SPAG16: variants seen among roughly 807,000 people sequenced by gnomAD.
SPAG16 encodes sperm-associated antigen 16 protein.
In SPAG16, 86 loss-of-function variants were observed where a neutral mutation model predicts 80.4. That is an observed-to-expected ratio of 1.07 (90% CI 0.90 to 1.28). SPAG16 has a LOEUF of 1.28. SPAG16 is among the 50% of genes most tolerant of loss of function. SPAG16 has a pLI of 0.00. For synonymous variants in SPAG16, 294 were observed against 265.9 expected (o/e 1.11, Z -1.03); for missense variants, 870 against 765.3 (o/e 1.14, Z -1.61).
chr2:213,871,318 C>A (rs1027320122), intron 11 of SPAG16, among the ~76,000 whole-genome samples: 2 of 151,888 alleles, frequency 1.3e-5, no homozygotes, highest in African/African-American at 4.8e-5. Context: ...ATGTTAAAAT[C>A]CACTTTTTTG....
chr2:213,284,897 G>C (rs2061998827), intron 1 of SPAG16: 1 of 422,552 alleles, frequency 2.4e-6, no homozygotes, highest in East Asian at 3.5e-5. Context: ...ATTTTGGATG[G>C]AGGGTTGCTT....
chr2:213,687,736 C>T (rs1486956044), intron 10 of SPAG16, among the ~76,000 whole-genome samples: 1 of 152,022 alleles, frequency 6.6e-6, no homozygotes, highest in East Asian at 1.9e-4. Context: ...ACATAGTTTT[C>T]TTCATGTTTC....
At chr2:214,404,813 G>A (rs1237303100) in intron 15 of SPAG16, among the ~76,000 whole-genome samples, 1 of 152,102 alleles carries the variant, frequency 6.6e-6, no homozygotes, top group African/African-American at 2.4e-5. Context: ...GTAGAACCAG[G>A]GAGATAATTT....
At chr2:213,974,324 A>C (rs1177314373) in intron 12 of SPAG16, among the ~76,000 whole-genome samples, 1 of 152,116 alleles carries the variant, frequency 6.6e-6, no homozygotes, top group African/African-American at 2.4e-5. Context: ...TTACATACAT[A>C]AAATTATATA....
intron 12 of SPAG16, among the ~76,000 whole-genome samples, chr2:213,977,075 C>T (rs2045449344): frequency 6.6e-6 from 1 of 152,014 alleles, no homozygotes; most frequent in South Asian, 2.1e-4. Flanking sequence ...GATATGCCCT[C>T]TCTTTTGCTA....
At chr2:213,369,097 T>C (rs2066490824) in intron 8 of SPAG16, among the ~76,000 whole-genome samples, 1 of 152,182 alleles carries the variant, frequency 6.6e-6, no homozygotes, top group African/African-American at 2.4e-5. Context: ...ACAATTTTAA[T>C]TCAGAATTGT....
chr2:213,443,739 G>T (rs2071127841), intron 9 of SPAG16, among the ~76,000 whole-genome samples: 2 of 152,096 alleles, frequency 1.3e-5, no homozygotes. Context: ...TTAGATAATA[G>T]CTATCATGAG....
At chr2:214,246,261 G>A (rs538128860) in intron 15 of SPAG16, among the ~76,000 whole-genome samples, 135 of 152,210 alleles carry the variant, frequency 8.9e-4, no homozygotes, top group African/African-American at 3.0e-3. Flanking sequence ...TTTTCTCTTA[G>A]TGGCTATGGC....
chr2:213,818,309 C>A (rs1035759291), intron 10 of SPAG16, among the ~76,000 whole-genome samples: 5 of 152,196 alleles, frequency 3.3e-5, no homozygotes, highest in Non-Finnish European at 7.3e-5. Context: ...TAAAGTTCCA[C>A]CCCTCACCTT....
chr2:214,241,739 G>C (rs1431301179), intron 15 of SPAG16, among the ~76,000 whole-genome samples: 2 of 152,102 alleles, frequency 1.3e-5, no homozygotes, highest in South Asian at 2.1e-4. Context: ...CTAATTTACT[G>C]TTTACTTAAA....
chr2:214,185,662 G>C (rs2057443936), intron 15 of SPAG16, among the ~76,000 whole-genome samples: 1 of 152,112 alleles, frequency 6.6e-6, no homozygotes, highest in Non-Finnish European at 1.5e-5. Context: ...AGGTGTCACA[G>C]AGCAAGCAAA....
At chr2:213,700,504 A>C (rs556527391) in intron 10 of SPAG16, among the ~76,000 whole-genome samples, 1 of 152,212 alleles carries the variant, frequency 6.6e-6, no homozygotes, top group African/African-American at 2.4e-5. Context: ...TGTGTATTCC[A>C]TTGTATTGTC....
rs183277596 is a variant in SPAG16, at chr2:213,566,434, T to A, written c.1070+76344T>A. Among the ~76,000 whole-genome samples the A allele has an allele frequency of 2.0e-5, 3 of 152,336 alleles. No homozygotes were observed. In the East Asian group the frequency reaches 5.8e-4, roughly 29 times the overall value. ...TCTCTCACCCCCTTCAATTTTTTTA[T>A]TCTTTAATCCTTCATTTAAGAAAAA... On this transcript the variant is annotated intron_variant, in intron 10 of 15. Transcript: ENST00000331683.
intron 13 of SPAG16, among the ~76,000 whole-genome samples, chr2:214,077,011 G>A (rs1207713966): frequency 1.3e-5 from 2 of 152,116 alleles, no homozygotes; most frequent in African/African-American, 4.8e-5. Context: ...TGTGCAGCAT[G>A]AGAATAGAGG....
At chr2:213,598,158 C>T (rs1257377645) in intron 10 of SPAG16, among the ~76,000 whole-genome samples, 5 of 152,024 alleles carry the variant, frequency 3.3e-5, no homozygotes, top group African/African-American at 9.7e-5. Flanking sequence ...CTTCTGTACC[C>T]CATTAAGTGG....
At chr2:214,317,135 C>T (rs1034600443) in intron 15 of SPAG16, among the ~76,000 whole-genome samples, 2 of 152,000 alleles carry the variant, frequency 1.3e-5, no homozygotes, top group Non-Finnish European at 2.9e-5. Context: ...GAACCAGAAC[C>T]CCATTAGACA....
intron 11 of SPAG16, among the ~76,000 whole-genome samples, chr2:213,871,889 G>C (rs62192583): frequency 6.7e-5 from 2 of 29,754 alleles, no homozygotes; most frequent in African/African-American, 1.2e-4. Flanking sequence ...CAGAGAGAGA[G>C]AGAGAGAGAG....
At chr2:213,416,178 G>C (rs2069242336) in intron 9 of SPAG16, among the ~76,000 whole-genome samples, 1 of 152,174 alleles carries the variant, frequency 6.6e-6, no homozygotes, top group African/African-American at 2.4e-5. Context: ...GGAAAGACTT[G>C]ACATTCTCTC....
chr2:213,717,152 T>C (rs2066271543), intron 10 of SPAG16, among the ~76,000 whole-genome samples: 1 of 151,514 alleles, frequency 6.6e-6, no homozygotes, highest in Non-Finnish European at 1.5e-5. Context: ...AGCAGAAACT[T>C]TTCATTTTTT....
Sources: gnomAD v4.1 joint callset for allele counts (sites outside exome capture counted in the v4.1 genomes callset) on GRCh38, gnomAD v4.1.1 for gene constraint, MANE v1.5 for transcripts, NCBI Gene and HGNC (gene_info 2026-07-23, HGNC 2026-07-21) for gene names.